IGF1R: variants seen among roughly 807,000 people sequenced by gnomAD.
IGF1R encodes the protein insulin-like growth factor 1 receptor.
Under a neutral mutation model 144.6 loss-of-function variants are expected in IGF1R, and 44 were observed. The observed-to-expected ratio is 0.30, with a 90% CI of 0.24 to 0.39. The LOEUF (loss-of-function observed/expected upper bound fraction) is 0.39. Among genes scored for constraint, IGF1R ranks in the 10% least tolerant of loss-of-function variants. The pLI, the probability that IGF1R is intolerant of heterozygous loss-of-function variation, is 1.00. For synonymous variants in IGF1R, 795 were observed against 722.8 expected (o/e 1.10, Z -1.60); for missense variants, 1,355 against 1,833.7 (o/e 0.74, Z 4.77).
intron 2 of IGF1R, among the ~76,000 whole-genome samples, chr15:98,836,586 TA>T (rs1310138305): frequency 6.6e-6 from 1 of 151,684 alleles, no homozygotes; most frequent in Non-Finnish European, 1.5e-5. Flanking sequence ...GCATTTTACA[TA>T]ATCTATACAC....
At chr15:98,676,817 T>G (rs1393935471) in intron 1 of IGF1R, among the ~76,000 whole-genome samples, 2 of 152,236 alleles carry the variant, frequency 1.3e-5, no homozygotes, top group Non-Finnish European at 2.9e-5. Flanking sequence ...TCATAGAGGT[T>G]GTATACTTTT....
rs775334349 is a variant in IGF1R at position 98,939,338 on chromosome 15, A to C, written c.3435A>C (p.Glu1145Asp). The C allele has an allele frequency of 1.7e-5, 28 of 1,614,068 alleles. No homozygotes were observed. The Admixed American group carries it at 3.5e-4, about 20-fold the overall frequency. Reference sequence around the variant, plus strand: ...CTGCCCGGAATTGCATGGTAGCCGAAGATTTCACAGTCAAAATCGGAGGTG... The same window carrying C: ...CTGCCCGGAATTGCATGGTAGCCGACGATTTCACAGTCAAAATCGGAGGTG... ...DLAARNCMVA[E>D]DFTVKIGDFG... The change falls in exon 18 of 21, where the codon GAA (glutamate) becomes GAC (aspartate). Residue 1145 changes from glutamate (E) to aspartate (D), a missense_variant. Glu to Asp is a conservative substitution (Grantham distance 45). Coordinates refer to ENST00000650285, the MANE Select transcript of IGF1R (RefSeq NM_000875.5).
chr15:98,837,537 AT>A lies in IGF1R; in HGVS notation c.641-53783del, dbSNP rs554536331. Among the ~76,000 whole-genome samples the A allele has an allele frequency of 3.5e-3, 534 of 151,818 alleles. 4 individuals carry two copies. Among genetic ancestry groups the A allele is most frequent in the African/African-American group, 0.011 (467 of 41,396 alleles). Reference sequence around the variant, plus strand: ...GAGCTACCATGCCTGGCCTTCACCAATTTTTAAATTTTTTGTAGAAACTCAC... The same window carrying A: ...GAGCTACCATGCCTGGCCTTCACCAATTTTAAATTTTTTGTAGAAACTCAC... On this transcript the variant is annotated intron_variant, in intron 2 of 20. Coordinates refer to ENST00000650285, the MANE Select transcript of IGF1R (RefSeq NM_000875.5).
intron 2 of IGF1R, among the ~76,000 whole-genome samples, chr15:98,876,556 A>G (rs953189016): frequency 6.6e-6 from 1 of 152,362 alleles, no homozygotes; most frequent in Non-Finnish European, 1.5e-5. Context: ...AATAAAAACT[A>G]GCAAAATAAA....
At chr15:98,861,311 A>T (rs2012140458) in intron 2 of IGF1R, among the ~76,000 whole-genome samples, 1 of 152,124 alleles carries the variant, frequency 6.6e-6, no homozygotes, top group African/African-American at 2.4e-5. Context: ...GGACATTCTG[A>T]AGAAGTTTGT....
chr15:98,723,204 C>T lies in IGF1R; in HGVS notation c.640+15097C>T, dbSNP rs144880784. On this transcript the variant is annotated intron_variant, in intron 2 of 20. Transcript: ENST00000650285. ...CCCCACCCCAACTTTAAATCAGAAA[C>T]GTGAGGGTGCTGATTGAAGCTTTTT... is the stretch of plus-strand genomic sequence containing the variant. Among the ~76,000 whole-genome samples, 1,397 of 152,220 alleles carry T rather than the reference C, an allele frequency of 9.2e-3. 5 individuals are homozygous for T. The highest frequency in any genetic ancestry group is 0.031 in the Middle Eastern group (9 of 294).
At chr15:98,867,937 G>A (rs1344114487) in intron 2 of IGF1R, among the ~76,000 whole-genome samples, 3 of 152,110 alleles carry the variant, frequency 2.0e-5, no homozygotes, top group East Asian at 1.9e-4. Flanking sequence ...GCAGTGGCTC[G>A]TGTCTCCAAT....
intron 2 of IGF1R, among the ~76,000 whole-genome samples, chr15:98,723,680 T>G (rs2054294977): frequency 6.6e-6 from 1 of 152,206 alleles, no homozygotes; most frequent in African/African-American, 2.4e-5. Context: ...CTGATTGCTG[T>G]CTGAGCAACC....
chr15:98,649,463 AG>A lies in IGF1R; in HGVS notation c.-114del, dbSNP rs2052285268. 1.5e-6 allele frequency: 1 copy of A among 679,316 alleles called. No homozygotes were observed. Among genetic ancestry groups the A allele is most frequent in the African/African-American group, 2.0e-5 (1 of 49,506 alleles). The allele number at this position is 679,316 out of a possible 1,614,324, so 42.1% of individuals were successfully genotyped here. A position where few individuals can be genotyped will look rare whatever the true frequency, so the allele number is the denominator to read the frequency against. On this transcript the variant is annotated 5_prime_UTR_variant, in exon 1 of 21. Coordinates refer to ENST00000650285, the MANE Select transcript of IGF1R (RefSeq NM_000875.5). ...TTGTTTCCTTCGCCCTTGTTTTTGG[AG>A]GGGGAGCGAAGACTGAGTTTGAGAC...
rs1391550593 is a variant in IGF1R, at chr15:98,661,955, CCTTTTT to C, written c.94+12281_94+12286del. 1.4e-4 allele frequency among the ~76,000 whole-genome samples: 15 copies of C among 108,204 alleles called. 1 individual carries two copies. The highest frequency in any genetic ancestry group is 5.9e-4 in the African/African-American group (14 of 23,652). The allele number at this position is 108,204 out of a possible 152,430, so 71.0% of individuals were successfully genotyped here. A position where few individuals can be genotyped will look rare whatever the true frequency, so the allele number is the denominator to read the frequency against. On this transcript the variant is annotated intron_variant, in intron 1 of 20. Coordinates refer to ENST00000650285, the MANE Select transcript of IGF1R (RefSeq NM_000875.5). ...GGAATTGCTGCCAGTTGAATAGGGC[CCTTTTT>C]TTTTTTTTTTTTTTTTTTTTTGAGA...
chr15:98,804,129 CTG>C (rs1287538556), intron 2 of IGF1R, among the ~76,000 whole-genome samples: 2 of 152,230 alleles, frequency 1.3e-5, no homozygotes, highest in Admixed American at 6.5e-5. Context: ...TGCCTCATGA[CTG>C]TATTTCTATT....
At chr15:98,868,804 C>T (rs1306500504) in intron 2 of IGF1R, among the ~76,000 whole-genome samples, 1 of 152,138 alleles carries the variant, frequency 6.6e-6, no homozygotes, top group Non-Finnish European at 1.5e-5. Context: ...AGTGAGTGCC[C>T]CGTAAATGTT....
intron 2 of IGF1R, among the ~76,000 whole-genome samples, chr15:98,747,766 T>C (rs2054905624): frequency 6.6e-6 from 1 of 152,226 alleles, no homozygotes; most frequent in South Asian, 2.1e-4. Flanking sequence ...GCTGTATTTC[T>C]CAAGAGCTAG....
intron 2 of IGF1R, 43 bp downstream of exon 2, chr15:98,708,150 CT>C (rs1567087375): frequency 6.6e-7 from 1 of 1,507,580 alleles, no homozygotes; most frequent in Non-Finnish European, 9.2e-7. Context: ...GCCTCTCTCT[CT>C]CCTCTCCTCC....
At chr15:98,894,723 G>A (rs974018329) in intron 3 of IGF1R, among the ~76,000 whole-genome samples, 1 of 152,154 alleles carries the variant, frequency 6.6e-6, no homozygotes, top group Non-Finnish European at 1.5e-5. Flanking sequence ...GGCCAACATG[G>A]TGAAACCGTG....
In IGF1R at chr15:98,896,742, TTTC is replaced by T; in HGVS notation, c.954-8_954-6del. The T allele has an allele frequency of 6.2e-7, 1 of 1,613,770 alleles. No homozygotes were observed. The highest frequency in any genetic ancestry group is 8.5e-7 in the Non-Finnish European group (1 of 1,179,876). ...AATTATGTGTGTTTTTGATTTTTTTTTTCTTCTTCAACAGCATGTACTGCATCC... is the reference window on the plus strand; with the variant it reads ...AATTATGTGTGTTTTTGATTTTTTTTTTCTTCAACAGCATGTACTGCATCC... On this transcript the variant is annotated splice_polypyrimidine_tract_variant and intron_variant, in intron 3 of 20. Coordinates refer to ENST00000650285, the MANE Select transcript of IGF1R (RefSeq NM_000875.5).
At chr15:98,689,043 T>C (rs1388719932) in intron 1 of IGF1R, among the ~76,000 whole-genome samples, 1 of 152,150 alleles carries the variant, frequency 6.6e-6, no homozygotes, top group African/African-American at 2.4e-5. Context: ...TTAGCAAAAT[T>C]AAATCACTCT....
At chr15:98,820,072 A>AAAGATC (rs2056773935) in intron 2 of IGF1R, among the ~76,000 whole-genome samples, 1 of 152,364 alleles carries the variant, frequency 6.6e-6, no homozygotes, top group South Asian at 2.1e-4. Flanking sequence ...TTTGAGAACT[A>AAAGATC]AAGATCAAGG....
At chr15:98,925,252 T>C (rs1357180427) in intron 13 of IGF1R, among the ~76,000 whole-genome samples, 1 of 152,170 alleles carries the variant, frequency 6.6e-6, no homozygotes, top group Non-Finnish European at 1.5e-5. Context: ...GTACAGAGAC[T>C]GAGGAATGTG....
Sources: allele counts gnomAD v4.1 joint callset (sites outside exome capture counted in the v4.1 genomes callset), GRCh38; gene constraint gnomAD v4.1.1; transcripts MANE v1.5; gene names NCBI Gene and HGNC (gene_info 2026-07-23, HGNC 2026-07-21).